The following SEC24A variants were observed in gnomAD, a reference collection of about 807,000 sequenced individuals.
SEC24A encodes SEC24 homolog A, COPII component.
SEC24A carries 93 observed loss-of-function variants against 129.4 expected under a neutral mutation model. The observed-to-expected ratio is 0.72, with a 90% confidence interval of 0.61 to 0.85. The LOEUF is 0.85. Ranked by LOEUF, SEC24A falls within the 40% of genes least tolerant of loss-of-function variation. The probability of loss-of-function intolerance (pLI) is 0.00; values close to 1 mark genes in which losing one functional copy is unlikely to be tolerated. For synonymous variants in SEC24A, 460 were observed against 467.3 expected (o/e 0.98, Z 0.20); for missense variants, 1,264 against 1,307.4 (o/e 0.97, Z 0.51).
In SEC24A at chr5:134,697,752, T is replaced by C. The variant is rs1476654787; in HGVS notation, c.2108-147T>C. Reference sequence around the variant, plus strand: ...CAGCCTGGGTGACAGAATGGGACTCTGTCTCAAAAAAAGGGAATAAAATCT... The same window carrying C: ...CAGCCTGGGTGACAGAATGGGACTCCGTCTCAAAAAAAGGGAATAAAATCT... On this transcript the variant is annotated intron_variant, in intron 14 of 22. Transcript: ENST00000398844. 5 of 832,576 alleles carry C rather than the reference T, an allele frequency of 6.0e-6. No individual in the cohort carries two copies. In the East Asian group the frequency reaches 8.0e-5, roughly 13 times the overall value. 51.6% of individuals were successfully genotyped at this position (832,576 alleles called of 1,614,324 possible). A position where few individuals can be genotyped will look rare whatever the true frequency, so the allele number is the denominator to read the frequency against.
At chr5:134,686,732 C>A in intron 9 of SEC24A, 58 bp from the exon 10 acceptor site, 1 of 997,226 alleles carries the variant, frequency 1.0e-6, no homozygotes, top group South Asian at 1.5e-5. Flanking sequence ...GTGTACCCAG[C>A]AAATAAGTTT....
chr5:134,679,902 T>C (rs766011883), intron 8 of SEC24A, among the ~76,000 whole-genome samples, 174 bp downstream of exon 8: 1 of 151,994 alleles, frequency 6.6e-6, no homozygotes, highest in Non-Finnish European at 1.5e-5. Flanking sequence ...TATAAATAAA[T>C]TTAATTATTT....
At chr5:134,691,728 G>A (rs111637725) in intron 11 of SEC24A, among the ~76,000 whole-genome samples, 8 of 151,122 alleles carry the variant, frequency 5.3e-5, no homozygotes, top group African/African-American at 1.7e-4. Context: ...CTTGTGATCC[G>A]CCCGCGTCGG....
chr5:134,724,939 T>G (rs1378300431), intron 22 of SEC24A, 41 bp from the exon 23 acceptor site: 1 of 963,840 alleles, frequency 1.0e-6, no homozygotes, highest in Non-Finnish European at 1.7e-6. Context: ...TCTATTTTAC[T>G]GCTACATTTT....
intron 16 of SEC24A, among the ~76,000 whole-genome samples, chr5:134,704,419 G>C (rs1000931595): frequency 1.7e-4 from 26 of 152,006 alleles, no homozygotes; most frequent in African/African-American, 6.3e-4. Flanking sequence ...GTTCAAAAAA[G>C]AGATTTTTAA....
intron 1 of SEC24A, among the ~76,000 whole-genome samples, chr5:134,650,313 A>T (rs147941584): frequency 6.6e-5 from 10 of 152,174 alleles, no homozygotes; most frequent in Non-Finnish European, 1.3e-4. Flanking sequence ...TACACTGAGG[A>T]TGAGAAAAAA....
rs777151028 is a variant in SEC24A, at chr5:134,707,013, AT to A, written c.2551+1583del. ...CCTCAACCAGCTAACTTTAAAAAAAATTTTTTTAGAGACAGAGTCTCACCAT... is the reference window on the plus strand; with the variant it reads ...CCTCAACCAGCTAACTTTAAAAAAAATTTTTTAGAGACAGAGTCTCACCAT... On this transcript the variant is annotated intron_variant, in intron 17 of 22. Transcript: ENST00000398844. Among the ~76,000 whole-genome samples the A allele has an allele frequency of 5.7e-4, 87 of 151,760 alleles. 1 individual carries two copies. Among genetic ancestry groups the A allele is most frequent in the Admixed American group, 3.8e-3 (58 of 15,214 alleles).
intron 1 of SEC24A, among the ~76,000 whole-genome samples, chr5:134,650,853 C>T (rs1750024373): frequency 6.6e-6 from 1 of 152,030 alleles, no homozygotes; most frequent in African/African-American, 2.4e-5. Flanking sequence ...CGGCTCACTG[C>T]AACCTCCTCC....
chr5:134,672,924 G>A (rs188554379), intron 4 of SEC24A, among the ~76,000 whole-genome samples: 80 of 151,100 alleles, frequency 5.3e-4, no homozygotes, highest in African/African-American at 1.8e-3. Flanking sequence ...TTGTAGAGAT[G>A]GGGGGGTGGG....
chr5:134,721,359 T>G lies in SEC24A; in HGVS notation c.3063+269T>G, dbSNP rs1328266709. 3.3e-5 allele frequency among the ~76,000 whole-genome samples: 5 copies of G among 149,952 alleles called. No homozygotes were observed. The East Asian group carries it at 7.8e-4, about 23-fold the overall frequency. Reference sequence around the variant, plus strand: ...GCGGGCTGATCACGAGGTCAAGAGATCGAGACCATCCTGGCCAACATGGTG... The same window carrying G: ...GCGGGCTGATCACGAGGTCAAGAGAGCGAGACCATCCTGGCCAACATGGTG... On this transcript the variant is annotated intron_variant, in intron 21 of 22. Transcript: ENST00000398844.
intron 1 of SEC24A, among the ~76,000 whole-genome samples, chr5:134,656,063 C>T (rs1174202962): frequency 6.8e-6 from 1 of 148,022 alleles, no homozygotes; most frequent in Non-Finnish European, 1.5e-5. Context: ...AAATCTGTCA[C>T]TTTGGCTGCA....
chr5:134,712,966 C>G (rs1172937830), intron 18 of SEC24A, among the ~76,000 whole-genome samples: 2 of 122,254 alleles, frequency 1.6e-5, no homozygotes, highest in Non-Finnish European at 3.3e-5. Context: ...GAGTCTCGCT[C>G]TGTCGCCTAG....
intron 9 of SEC24A, 36 bp from the exon 10 acceptor site, chr5:134,686,754 T>C (rs772619796): frequency 7.9e-7 from 1 of 1,265,090 alleles, no homozygotes; most frequent in South Asian, 1.3e-5. Context: ...AACTTAATCC[T>C]GTTAAATGTA....
chr5:134,694,284 G>C (rs916422350), intron 13 of SEC24A, among the ~76,000 whole-genome samples: 1 of 152,092 alleles, frequency 6.6e-6, no homozygotes, highest in Non-Finnish European at 1.5e-5. Flanking sequence ...CCAACATCTT[G>C]GGAGGCCGAG....
At chr5:134,711,559 G>T (rs2150109322) in intron 18 of SEC24A, among the ~76,000 whole-genome samples, 1 of 128,796 alleles carries the variant, frequency 7.8e-6, no homozygotes, top group Admixed American at 1.0e-4. Flanking sequence ...GGACTGCTCT[G>T]CATCTTTTTT....
intron 8 of SEC24A, among the ~76,000 whole-genome samples, chr5:134,681,331 C>T (rs572757935): frequency 1.7e-4 from 26 of 151,976 alleles, no homozygotes; most frequent in Admixed American, 1.2e-3. Flanking sequence ...ACCCGGGAGG[C>T]GGAGGTTGCA....
intron 9 of SEC24A, 76 bp from the exon 10 acceptor site, chr5:134,686,714 T>G: frequency 2.7e-6 from 2 of 737,236 alleles, no homozygotes; most frequent in Non-Finnish European, 4.5e-6. Flanking sequence ...TAAATTGTTT[T>G]GCTGTATGTG....
At chr5:134,709,356 A>G (rs1382182921) in intron 18 of SEC24A, among the ~76,000 whole-genome samples, 1 of 152,200 alleles carries the variant, frequency 6.6e-6, no homozygotes, top group East Asian at 1.9e-4. Context: ...TGAACTTTGA[A>G]AAGTTTAATA....
Position 134,692,588 on chromosome 5 carries a change from ATTTC to A in SEC24A, c.1724-11_1724-8del, listed in dbSNP as rs759265751. The A allele has an allele frequency of 1.7e-6, 2 of 1,183,354 alleles. No homozygotes were observed. Among genetic ancestry groups the A allele is most frequent in the African/African-American group, 3.1e-5 (2 of 64,998 alleles). 73.3% of individuals were successfully genotyped at this position (1,183,354 alleles called of 1,614,324 possible). On this transcript the variant is annotated splice_polypyrimidine_tract_variant and intron_variant, in intron 11 of 22. Coordinates refer to ENST00000398844, the MANE Select transcript of SEC24A (RefSeq NM_021982.3). Reference sequence around the variant, plus strand: ...TACATTTTGTTTAAAATAAATATGTATTTCTTCTTTCAGATGTTTTTATACCTAT... The same window carrying A: ...TACATTTTGTTTAAAATAAATATGTATTCTTTCAGATGTTTTTATACCTAT...
Sources: gnomAD v4.1 joint callset for allele counts (sites outside exome capture counted in the v4.1 genomes callset) on GRCh38, gnomAD v4.1.1 for gene constraint, MANE v1.5 for transcripts, NCBI Gene and HGNC (gene_info 2026-07-23, HGNC 2026-07-21) for gene names.